The following PCDHA10 variants were observed in gnomAD, a reference collection of about 807,000 sequenced individuals.
The protein encoded by PCDHA10 is protocadherin alpha-10.
A neutral mutation model predicts 61.2 loss-of-function variants in PCDHA10; 45 were observed. The ratio of observed to expected loss-of-function variants is 0.74; its 90% CI spans 0.58 to 0.94. PCDHA10 has a LOEUF of 0.94. Among genes scored for constraint, PCDHA10 ranks in the 40% least tolerant of loss-of-function variants. PCDHA10 has a pLI of 0.00. For synonymous variants in PCDHA10, 602 were observed against 548.8 expected (o/e 1.10, Z -1.35); for missense variants, 1,278 against 1,236.2 (o/e 1.03, Z -0.51).
intron 1 of PCDHA10, chr5:140,871,673 C>A: frequency 8.7e-7 from 1 of 1,142,932 alleles, no homozygotes; most frequent in Non-Finnish European, 1.2e-6. Flanking sequence ...GTCTTTTAAT[C>A]ATATGAATAA....
intron 1 of PCDHA10, among the ~76,000 whole-genome samples, chr5:140,896,328 A>G (rs1157543991): frequency 6.6e-6 from 1 of 152,138 alleles, no homozygotes; most frequent in Non-Finnish European, 1.5e-5. Flanking sequence ...CACAGTGGCT[A>G]AACTAATTTA....
At chr5:140,858,469 C>T (rs782532416) in intron 1 of PCDHA10, 33 bp downstream of exon 1, 2 of 1,520,006 alleles carry the variant, frequency 1.3e-6, no homozygotes, top group African/African-American at 1.4e-5. Context: ...TCCTTTTGTG[C>T]TTTATGAATA....
intron 1 of PCDHA10, among the ~76,000 whole-genome samples, chr5:140,902,447 G>A (rs1004773008): frequency 2.6e-5 from 4 of 152,024 alleles, no homozygotes; most frequent in Non-Finnish European, 4.4e-5. Flanking sequence ...TCATATTCTA[G>A]ATCCTAGAGA....
At position 140,978,793 on chromosome 5, in the gene PCDHA10, A is replaced by G. The variant is rs1241254692; in HGVS notation, c.2389-156A>G. 4.1e-6 allele frequency: 4 copies of G among 977,674 alleles called. No individual in the cohort carries two copies. In the African/African-American group the frequency reaches 7.0e-5, roughly 17 times the overall value. The allele number at this position is 977,674 out of a possible 1,614,324, so 60.6% of individuals were successfully genotyped here. On this transcript the variant is annotated intron_variant, in intron 1 of 3. Coordinates refer to ENST00000307360, the MANE Select transcript of PCDHA10 (RefSeq NM_018901.4). ...CTAATTTTCTTCTAAAGTGCTATAT[A>G]TGTAGATATCATCATAGAGTTACAC... is the stretch of plus-strand genomic sequence containing the variant.
At chr5:140,928,656 T>C in intron 1 of PCDHA10, 1 of 1,614,232 alleles carries the variant, frequency 6.2e-7, no homozygotes, top group Middle Eastern at 1.6e-4. Flanking sequence ...CAGAGGATGC[T>C]GACAGTGGTT....
Position 140,857,830 on chromosome 5 carries a change from C to G in PCDHA10, c.1782C>G (p.Arg594=), listed in dbSNP as rs782060681. The change falls in exon 1 of 4, where the codon CGC becomes CGG. Residue 594 remains arginine, a synonymous_variant. Coordinates refer to ENST00000307360, the MANE Select transcript of PCDHA10 (RefSeq NM_018901.4). ...CGGGTCACGTGGTGGCTAAGGTGCG[C>G]GCAGTGGACGCTGACTCTGGATACA... is the stretch of plus-strand genomic sequence containing the variant. ...VVAGHVVAKV[R]AVDADSGYNA... 1.6e-5 allele frequency: 26 copies of G among 1,597,596 alleles called. 3 individuals carry two copies. The highest frequency in any genetic ancestry group is 2.1e-5 in the Non-Finnish European group (25 of 1,167,516).
intron 1 of PCDHA10, chr5:140,876,161 T>C (rs1582262337): frequency 6.2e-7 from 1 of 1,613,960 alleles, no homozygotes; most frequent in Non-Finnish European, 8.5e-7. Flanking sequence ...CAGATTCAAA[T>C]AACCGTCCTG....
chr5:140,900,840 T>C (rs6874218), intron 1 of PCDHA10, among the ~76,000 whole-genome samples: 1 of 151,950 alleles, frequency 6.6e-6, no homozygotes, highest in Admixed American at 6.6e-5. Flanking sequence ...ATGTACAAAG[T>C]TTCCCTTTTT....
chr5:140,933,314 G>A (rs925777839), intron 1 of PCDHA10, among the ~76,000 whole-genome samples: 2 of 151,914 alleles, frequency 1.3e-5, no homozygotes, highest in Non-Finnish European at 2.9e-5. Flanking sequence ...ATGCAATCTC[G>A]TATTCTCCTG....
At chr5:140,996,386 C>G (rs574909973) in intron 3 of PCDHA10, among the ~76,000 whole-genome samples, 1 of 152,268 alleles carries the variant, frequency 6.6e-6, no homozygotes, top group South Asian at 2.1e-4. Flanking sequence ...GAAATAATGC[C>G]TCATAGAGTT....
chr5:140,955,078 G>T lies in PCDHA10; in HGVS notation c.2389-23871G>T, dbSNP rs192023775. On this transcript the variant is annotated intron_variant, in intron 1 of 3. Transcript: ENST00000307360. ...TTGTCAGGTTTGTTGAAGATCAGAT[G>T]GTTGTAGGTGTGTGGTGTTATTTCT... Among the ~76,000 whole-genome samples, 36 of 152,228 alleles carry T rather than the reference G, an allele frequency of 2.4e-4. No homozygotes were observed. In the East Asian group the frequency reaches 6.6e-3, roughly 28 times the overall value.
chr5:140,872,717 T>TA (rs781995084), intron 1 of PCDHA10, among the ~76,000 whole-genome samples: 11 of 152,194 alleles, frequency 7.2e-5, no homozygotes, highest in Non-Finnish European at 1.5e-4. Context: ...ACTAGGTAAA[T>TA]AAAATTATTC....
intron 1 of PCDHA10, chr5:140,927,345 C>G (rs1391320223): frequency 1.2e-6 from 2 of 1,614,012 alleles, no homozygotes. Context: ...CCCAAGATGA[C>G]GACGAGGGAA....
intron 1 of PCDHA10, chr5:140,966,586 T>C (rs1339521044): frequency 5.5e-6 from 3 of 548,910 alleles, no homozygotes; most frequent in Non-Finnish European, 8.8e-6. Flanking sequence ...GCGAGGACGG[T>C]GGGGCCAGGA....
intron 1 of PCDHA10, chr5:140,870,860 C>G: frequency 6.2e-7 from 1 of 1,613,882 alleles, no homozygotes; most frequent in East Asian, 2.2e-5. Context: ...TCGGTGGGTG[C>G]GGGCCACGTG....
intron 1 of PCDHA10, among the ~76,000 whole-genome samples, chr5:140,953,733 TG>T (rs1449457533): frequency 2.6e-5 from 4 of 152,200 alleles, no homozygotes; most frequent in Admixed American, 6.5e-5. Context: ...TTGAAATTTT[TG>T]CTTAACATTA....
rs782801879 is a variant in PCDHA10 at position 140,858,260 on chromosome 5, G to T, written c.2212G>T (p.Val738Leu). The T allele has an allele frequency of 2.0e-5, 32 of 1,597,092 alleles. 2 individuals carry two copies. The highest frequency in any genetic ancestry group is 2.7e-5 in the Non-Finnish European group (32 of 1,166,970). The change falls in exon 1 of 4, where the codon GTG becomes TTG. Residue 738 changes from valine to leucine, a missense_variant. By Grantham distance (32) the Val-to-Leu change is conservative (BLOSUM62 1). Coordinates refer to ENST00000307360, the MANE Select transcript of PCDHA10 (RefSeq NM_018901.4). ...ATGTGGGCCGGTGAAGCCCACGCTG[G>T]TGTGCTCTAGCGCGGTGGGGAGCTG... ...GACGPVKPTL[V>L]CSSAVGSWSY... is the part of the protein sequence containing the mutation.
At chr5:140,967,498 T>A (rs1554229623) in intron 1 of PCDHA10, 3 of 1,613,108 alleles carry the variant, frequency 1.9e-6, no homozygotes, top group Non-Finnish European at 2.5e-6. Flanking sequence ...CACAGATCTC[T>A]GTGCGTGTCC....
At position 140,856,295 on chromosome 5, in the gene PCDHA10, T is replaced by C. The variant is rs782325790; in HGVS notation, c.247T>C (p.Leu83=). 3 of 1,598,412 alleles carry C rather than the reference T, an allele frequency of 1.9e-6. No individual in the cohort carries two copies. The highest frequency in any genetic ancestry group is 1.7e-5 in the Admixed American group (1 of 59,282). Residue 83 remains leucine (L), a synonymous_variant, in exon 1 of 4, where the codon TTG becomes CTG. Coordinates refer to ENST00000307360, the MANE Select transcript of PCDHA10 (RefSeq NM_018901.4). Reference sequence around the variant, plus strand: ...GGAGGTAAATCTGCAGAATGGCATTTTGTTTGTGAATTCTCGGATTGACCG... The same window carrying C: ...GGAGGTAAATCTGCAGAATGGCATTCTGTTTGTGAATTCTCGGATTGACCG... The part of the protein sequence containing the change: ...LLEVNLQNGI[L]FVNSRIDREE...
Sources: gnomAD v4.1 joint callset for allele counts (sites outside exome capture counted in the v4.1 genomes callset) on GRCh38, gnomAD v4.1.1 for gene constraint, MANE v1.5 for transcripts, NCBI Gene and HGNC (gene_info 2026-07-23, HGNC 2026-07-21) for gene names.